The following CUL3 variants were observed in gnomAD, a reference collection of about 807,000 sequenced individuals.
CUL3 encodes the protein cullin 3, also known as cullin-3.
A neutral mutation model predicts 89.1 loss-of-function variants in CUL3; 19 were observed. The ratio of observed to expected loss-of-function variants is 0.21; its 90% confidence interval spans 0.15 to 0.31. The LOEUF is 0.31. CUL3 is among the 10% of genes least tolerant of loss of function. The pLI, the probability that CUL3 is intolerant of heterozygous loss-of-function variation, is 1.00. For synonymous variants in CUL3, 351 were observed against 308.4 expected (o/e 1.14, Z -1.45); for missense variants, 469 against 942.3 (o/e 0.50, Z 6.58).
chr2:224,548,545 G>C (rs535561154), intron 2 of CUL3, among the ~76,000 whole-genome samples: 1 of 152,012 alleles, frequency 6.6e-6, no homozygotes, highest in African/African-American at 2.4e-5. Flanking sequence ...AATTTTTATA[G>C]GTTCATTTAT....
chr2:224,477,331 C>A (rs1373514108), intron 15 of CUL3, among the ~76,000 whole-genome samples: 4 of 152,188 alleles, frequency 2.6e-5, no homozygotes, highest in Non-Finnish European at 5.9e-5. Flanking sequence ...AAGAACCACA[C>A]TGTGAAAACC....
intron 1 of CUL3, among the ~76,000 whole-genome samples, chr2:224,574,176 C>T (rs984555567): frequency 3.3e-5 from 5 of 152,126 alleles, no homozygotes; most frequent in South Asian, 2.1e-4. Flanking sequence ...AAAAATTCCC[C>T]TTTGAAGTCG....
At chr2:224,517,183 C>A (rs72972387) in intron 3 of CUL3, among the ~76,000 whole-genome samples, 1 of 152,034 alleles carries the variant, frequency 6.6e-6, no homozygotes, top group South Asian at 2.1e-4. Context: ...CAGAAAAGCA[C>A]CAGAGACAGG....
chr2:224,537,570 C>T (rs921176284), intron 2 of CUL3, among the ~76,000 whole-genome samples: 1 of 152,054 alleles, frequency 6.6e-6, no homozygotes, highest in Non-Finnish European at 1.5e-5. Context: ...CAAATCCCAA[C>T]AAAAACCCAG....
intron 3 of CUL3, among the ~76,000 whole-genome samples, chr2:224,527,607 C>T (rs960372550): frequency 1.3e-5 from 2 of 152,162 alleles, no homozygotes; most frequent in African/African-American, 4.8e-5. Flanking sequence ...AGATTCCCTC[C>T]AGCCACACAT....
intron 3 of CUL3, among the ~76,000 whole-genome samples, chr2:224,528,673 C>T (rs1287925624): frequency 6.6e-6 from 1 of 152,088 alleles, no homozygotes; most frequent in African/African-American, 2.4e-5. Context: ...CTTCTCTCCT[C>T]TTCATAAAGT....
At chr2:224,529,723 A>G (rs1186316833) in intron 3 of CUL3, among the ~76,000 whole-genome samples, 1 of 152,150 alleles carries the variant, frequency 6.6e-6, no homozygotes, top group African/African-American at 2.4e-5. Flanking sequence ...AAGCATTAGG[A>G]AGGGGTGGAG....
chr2:224,572,520 C>T (rs922498059), intron 1 of CUL3, among the ~76,000 whole-genome samples: 11 of 149,908 alleles, frequency 7.3e-5, no homozygotes, highest in African/African-American at 2.2e-4. Flanking sequence ...CTGCACCTGT[C>T]GTCCCAGCTA....
chr2:224,569,773 C>A, intron 1 of CUL3: 2 of 1,182,892 alleles, frequency 1.7e-6, no homozygotes, highest in Non-Finnish European at 2.1e-6. Flanking sequence ...TTCTTAACAT[C>A]TACTACATAC....
intron 2 of CUL3, among the ~76,000 whole-genome samples, chr2:224,551,908 C>T (rs1574686677): frequency 2.0e-5 from 3 of 152,292 alleles, no homozygotes; most frequent in South Asian, 4.1e-4. Context: ...CTATCACTTC[C>T]TCAAACAGCC....
intron 1 of CUL3, among the ~76,000 whole-genome samples, chr2:224,582,515 C>G (rs2106328955): frequency 6.6e-6 from 1 of 152,266 alleles, no homozygotes; most frequent in Admixed American, 6.5e-5. Context: ...ACTTATTAAA[C>G]AGTAATGAAA....
chr2:224,546,108 C>T (rs1384682265), intron 2 of CUL3, among the ~76,000 whole-genome samples: 1 of 152,120 alleles, frequency 6.6e-6, no homozygotes, highest in African/African-American at 2.4e-5. Context: ...AAAAACACCA[C>T]TATGACTTAT....
rs532967850 is a variant in CUL3 at position 224,473,951 on chromosome 2, T to G, written c.*294A>C. Reference sequence around the variant, plus strand: ...ATTGTAATGAGCTGTATTTTCTAAATTTCTCTTTTATTTTCCTGTTTTCAT... The same window carrying G: ...ATTGTAATGAGCTGTATTTTCTAAAGTTCTCTTTTATTTTCCTGTTTTCAT... On this transcript the variant is annotated 3_prime_UTR_variant, in exon 16 of 16. Transcript: ENST00000264414. 3.9e-6 allele frequency: 1 copy of G among 258,366 alleles called. No homozygotes were observed. The highest frequency in any genetic ancestry group is 7.4e-6 in the Non-Finnish European group (1 of 134,682). The allele number at this position is 258,366 out of a possible 1,614,324, so 16.0% of individuals were successfully genotyped here. A position where few individuals can be genotyped will look rare whatever the true frequency, so the allele number is the denominator to read the frequency against.
At position 224,471,910 on chromosome 2, in the gene CUL3, G is replaced by A. The variant is rs1691145525; in HGVS notation, c.*2335C>T. 1 of 230,842 alleles carries A rather than the reference G, an allele frequency of 4.3e-6. No individual in the cohort carries two copies. Among genetic ancestry groups the A allele is most frequent in the Non-Finnish European group, 8.6e-6 (1 of 116,712 alleles). The allele number at this position is 230,842 out of a possible 1,614,324, so 14.3% of individuals were successfully genotyped here. A position where few individuals can be genotyped will look rare whatever the true frequency, so the allele number is the denominator to read the frequency against. On this transcript the variant is annotated 3_prime_UTR_variant, in exon 16 of 16. Coordinates refer to ENST00000264414, the MANE Select transcript of CUL3 (RefSeq NM_003590.5). ...CACCAAAATTTCTCTGCACCAACAG[G>A]ATGGAATGGTTAGGATGCATTTTTC... is the stretch of plus-strand genomic sequence containing the variant.
Position 224,481,899 on chromosome 2 carries a change from A to G in CUL3, c.2022T>C (p.Ile674=), listed in dbSNP as rs1168080482. ...QFTSKLHRVK[I]QTVAAKQGES... The stretch of plus-strand genomic sequence containing the variant: ...AAATATAATTCCAGATACCTGTTTG[A>G]ATCTTGACTCTGTGTAGTTTGGATG... The change falls in exon 14 of 16, where the codon ATT becomes ATC. Residue 674 remains isoleucine, a synonymous_variant. Coordinates refer to ENST00000264414, the MANE Select transcript of CUL3 (RefSeq NM_003590.5). The G allele has an allele frequency of 6.6e-7, 1 of 1,504,186 alleles. No individual in the cohort carries two copies. Among genetic ancestry groups the G allele is most frequent in the Admixed American group, 2.3e-5 (1 of 44,436 alleles). The allele number at this position is 1,504,186 out of a possible 1,614,324, so 93.2% of individuals were successfully genotyped here.
intron 1 of CUL3, among the ~76,000 whole-genome samples, chr2:224,583,206 C>T (rs1335011128): frequency 1.3e-5 from 2 of 152,072 alleles, no homozygotes; most frequent in East Asian, 1.9e-4. Context: ...GGAGAAACCT[C>T]GTCTCTACTA....
chr2:224,523,042 G>GA (rs553693849), intron 3 of CUL3, among the ~76,000 whole-genome samples: 5 of 151,532 alleles, frequency 3.3e-5, no homozygotes, highest in South Asian at 2.1e-4. Context: ...AGGTCAGAGG[G>GA]AAAAAAAACA....
chr2:224,476,213 C>T (rs374895946), intron 15 of CUL3, among the ~76,000 whole-genome samples: 23 of 151,990 alleles, frequency 1.5e-4, no homozygotes, highest in Non-Finnish European at 3.1e-4. Context: ...GACGGGGTTT[C>T]GCTGTGTTTG....
intron 3 of CUL3, among the ~76,000 whole-genome samples, chr2:224,530,936 C>T (rs1693675880): frequency 6.6e-6 from 1 of 151,850 alleles, no homozygotes; most frequent in Non-Finnish European, 1.5e-5. Context: ...ACAAAAAAAC[C>T]CCATAAAAAT....
Sources: allele counts gnomAD v4.1 joint callset (sites outside exome capture counted in the v4.1 genomes callset), GRCh38; gene constraint gnomAD v4.1.1; transcripts MANE v1.5; gene names NCBI Gene and HGNC (gene_info 2026-07-23, HGNC 2026-07-21).